The following ZMYM4 variants were observed in gnomAD, a reference collection of about 807,000 sequenced individuals.
ZMYM4 encodes zinc finger MYM-type containing 4, also known as zinc finger MYM-type protein 4.
A neutral mutation model predicts 183.2 loss-of-function variants in ZMYM4; 31 were observed. The ratio of observed to expected loss-of-function variants is 0.17; its 90% CI spans 0.13 to 0.23. ZMYM4 has a LOEUF of 0.23. Among genes scored for constraint, ZMYM4 ranks in the 10% least tolerant of loss-of-function variants. ZMYM4 has a pLI of 1.00. For missense variants in ZMYM4, 1,273 were observed against 1,840.3 expected (o/e 0.69, Z 5.64); for synonymous variants, 592 against 631.2 (o/e 0.94, Z 0.93).
At position 35,269,007 on chromosome 1, in the gene ZMYM4, A is replaced by G. The variant is rs1465863392; in HGVS notation, c.-40A>G. On this transcript the variant is annotated 5_prime_UTR_variant, in exon 1 of 30. Transcript: ENST00000314607. Reference sequence around the variant, plus strand: ...CGGGGGGCCGAGAGGTACCGCCGCCACCGCGCGGGGAGCCGCAGCGGTTCC... The same window carrying G: ...CGGGGGGCCGAGAGGTACCGCCGCCGCCGCGCGGGGAGCCGCAGCGGTTCC... 6.6e-6 allele frequency: 10 copies of G among 1,519,344 alleles called. No homozygotes were observed. The highest frequency in any genetic ancestry group is 8.8e-6 in the Non-Finnish European group (10 of 1,133,594). 94.1% of individuals were successfully genotyped at this position (1,519,344 alleles called of 1,614,324 possible). A position where few individuals can be genotyped will look rare whatever the true frequency, so the allele number is the denominator to read the frequency against.
intron 24 of ZMYM4, 64 bp from the exon 25 acceptor site, chr1:35,405,309 T>C: frequency 6.3e-7 from 1 of 1,579,482 alleles, no homozygotes; most frequent in Non-Finnish European, 8.6e-7. Context: ...GTTTGGGCTT[T>C]ACTTAATTTT....
Position 35,397,528 on chromosome 1 carries a change from A to C in ZMYM4, c.3182A>C (p.Lys1061Thr), listed in dbSNP as rs1170296016. Residue 1061 changes from lysine to threonine, a missense_variant, in exon 20 of 30, where the codon AAG (lysine) becomes ACG (threonine). By Grantham distance (78) the Lys-to-Thr change is moderately conservative. This residue lies in a region of ZMYM4 where 290 missense variants were observed against 353.3 expected (regional missense o/e 0.82). Transcript: ENST00000314607. Reference protein sequence around the residue: ...AEMIAEDEEKKTLSQGESQTS... With the variant: ...AEMIAEDEEKTTLSQGESQTS... ...ATGATTGCAGAAGATGAAGAGAAGA[A>C]GACTCTATCTCAGGGAGGTTGGTAT... The C allele has an allele frequency of 1.2e-5, 20 of 1,611,660 alleles. No individual in the cohort carries two copies. Among genetic ancestry groups the C allele is most frequent in the East Asian group, 2.2e-5 (1 of 44,800 alleles).
chr1:35,380,570 C>T (rs1401571997), intron 7 of ZMYM4, among the ~76,000 whole-genome samples: 1 of 152,178 alleles, frequency 6.6e-6, no homozygotes, highest in Non-Finnish European at 1.5e-5. Flanking sequence ...TTGTGATCCG[C>T]CAGCCTCAGC....
intron 2 of ZMYM4, among the ~76,000 whole-genome samples, chr1:35,358,442 T>A (rs867551276): frequency 2.0e-5 from 3 of 152,178 alleles, no homozygotes; most frequent in Non-Finnish European, 2.9e-5. Flanking sequence ...TTTCCCTGAA[T>A]AATCGCCATA....
At chr1:35,273,527 T>C (rs573099803) in intron 1 of ZMYM4, among the ~76,000 whole-genome samples, 11 of 152,100 alleles carry the variant, frequency 7.2e-5, no homozygotes, top group Non-Finnish European at 1.0e-4. Context: ...TAATAACTTT[T>C]GTAAATGTAA....
At chr1:35,312,568 A>G (rs1336570407) in intron 1 of ZMYM4, among the ~76,000 whole-genome samples, 6 of 152,150 alleles carry the variant, frequency 3.9e-5, no homozygotes, top group Non-Finnish European at 8.8e-5. Flanking sequence ...TAAATTAACC[A>G]TTTCCCTGCA....
At chr1:35,288,531 C>T (rs1360671647) in intron 1 of ZMYM4, among the ~76,000 whole-genome samples, 1 of 152,226 alleles carries the variant, frequency 6.6e-6, no homozygotes. Flanking sequence ...ACCCCACCCT[C>T]TGTGGTGACA....
chr1:35,366,919 G>A (rs1350704245), intron 5 of ZMYM4, among the ~76,000 whole-genome samples: 1 of 151,790 alleles, frequency 6.6e-6, no homozygotes, highest in African/African-American at 2.4e-5. Flanking sequence ...AGCTACTCGG[G>A]AGACTGAGAC....
chr1:35,355,200 CTTTTTTT>C (rs1013941289), intron 2 of ZMYM4, among the ~76,000 whole-genome samples: 2,540 of 77,186 alleles, frequency 0.033, 223 homozygotes, highest in East Asian at 0.24. Context: ...CGCCTGGCTT[CTTTTTTT>C]TTTTTTTTTT....
chr1:35,343,844 A>G (rs1643293856), intron 2 of ZMYM4, among the ~76,000 whole-genome samples: 1 of 150,904 alleles, frequency 6.6e-6, no homozygotes, highest in African/African-American at 2.4e-5. Context: ...AGCCTGGGCG[A>G]CAGAGCGAGA....
chr1:35,408,768 A>G (rs1639744669), intron 26 of ZMYM4, among the ~76,000 whole-genome samples: 1 of 152,152 alleles, frequency 6.6e-6, no homozygotes, highest in Non-Finnish European at 1.5e-5. Context: ...TTATATATAT[A>G]GTGTGATTGT....
At chr1:35,285,757 G>T (rs191986945) in intron 1 of ZMYM4, among the ~76,000 whole-genome samples, 129 of 152,226 alleles carry the variant, frequency 8.5e-4, no homozygotes, top group African/African-American at 2.9e-3. Context: ...TCTTTGGGGG[G>T]TCCAGGGTCC....
chr1:35,275,662 A>AAATTCTG (rs1445666460), intron 1 of ZMYM4, among the ~76,000 whole-genome samples: 1 of 152,218 alleles, frequency 6.6e-6, no homozygotes, highest in Non-Finnish European at 1.5e-5. Flanking sequence ...TTTCCCTTAA[A>AAATTCTG]AATTCTGATT....
At chr1:35,306,181 T>C (rs1641524333) in intron 1 of ZMYM4, among the ~76,000 whole-genome samples, 1 of 152,228 alleles carries the variant, frequency 6.6e-6, no homozygotes, top group East Asian at 1.9e-4. Flanking sequence ...TATTTAGATG[T>C]ATTCCTTTGT....
chr1:35,323,467 T>C (rs937861796), intron 1 of ZMYM4, among the ~76,000 whole-genome samples: 1 of 152,202 alleles, frequency 6.6e-6, no homozygotes, highest in African/African-American at 2.4e-5. Context: ...AACAATGGGA[T>C]TCTTCTCAGT....
At chr1:35,346,659 A>G (rs1285268195) in intron 2 of ZMYM4, among the ~76,000 whole-genome samples, 2 of 150,942 alleles carry the variant, frequency 1.3e-5, no homozygotes, top group Non-Finnish European at 3.0e-5. Context: ...TCAAAAAAAA[A>G]AAAAAAAAAA....
chr1:35,342,809 C>G (rs1643251677), intron 2 of ZMYM4, among the ~76,000 whole-genome samples: 1 of 151,862 alleles, frequency 6.6e-6, no homozygotes, highest in Non-Finnish European at 1.5e-5. Flanking sequence ...TAGCTGGGAC[C>G]ATAGGCACAT....
chr1:35,409,648 A>C (rs1275552847), intron 26 of ZMYM4, among the ~76,000 whole-genome samples: 1 of 152,058 alleles, frequency 6.6e-6, no homozygotes, highest in Admixed American at 6.6e-5. Flanking sequence ...GGTAATTTAT[A>C]AAGAAATTCT....
chr1:35,359,553 C>A, intron 3 of ZMYM4, 107 bp downstream of exon 3: 1 of 1,105,454 alleles, frequency 9.0e-7, no homozygotes. Context: ...CGGTTAAATT[C>A]ATTGTAAGCT....
Sources: gnomAD v4.1 joint callset for allele counts (sites outside exome capture counted in the v4.1 genomes callset) on GRCh38, gnomAD v4.1.1 for gene constraint, gnomAD v4.1.1 regional missense constraint, MANE v1.5 for transcripts, NCBI Gene and HGNC (gene_info 2026-07-23, HGNC 2026-07-21) for gene names.